OPN3: variants seen among roughly 807,000 people sequenced by gnomAD.
OPN3 encodes opsin-3.
In OPN3, 29 loss-of-function variants were observed where a neutral mutation model predicts 33.8. The ratio of observed to expected loss-of-function variants is 0.86; its 90% confidence interval spans 0.64 to 1.17. The LOEUF (loss-of-function observed/expected upper bound fraction) is 1.17, where lower values mean the gene tolerates loss of function less well. Ranked by LOEUF, OPN3 falls within the 50% of genes most tolerant of loss-of-function variation. The pLI is 0.00. For synonymous variants in OPN3, 216 were observed against 216.1 expected (o/e 1.00, Z 0.00); for missense variants, 437 against 514.1 (o/e 0.85, Z 1.45).
At chr1:241,613,644 T>C (rs772585553) in intron 1 of OPN3, among the ~76,000 whole-genome samples, 1 of 152,140 alleles carries the variant, frequency 6.6e-6, no homozygotes, top group Non-Finnish European at 1.5e-5. Flanking sequence ...TTGAATAATA[T>C]CTCTCAGCTG....
At chr1:241,635,998 G>T in intron 1 of OPN3, 1 of 487,022 alleles carries the variant, frequency 2.1e-6, no homozygotes, top group Non-Finnish European at 3.6e-6. Context: ...ATGGATGTGT[G>T]GTTTCATTTC....
chr1:241,635,691 C>A, intron 1 of OPN3: 1 of 1,613,996 alleles, frequency 6.2e-7, no homozygotes, highest in South Asian at 1.1e-5. Flanking sequence ...CTTGAACATG[C>A]AGCTGCAAGG....
intron 1 of OPN3, chr1:241,628,910 CAGA>C (rs1443655993): frequency 6.6e-6 from 1 of 152,512 alleles, no homozygotes; most frequent in South Asian, 2.1e-4. Context: ...CAATATTTAA[CAGA>C]AGAAAAATAA....
intron 3 of OPN3, among the ~76,000 whole-genome samples, chr1:241,596,142 G>A (rs986844413): frequency 2.0e-5 from 3 of 152,178 alleles, no homozygotes; most frequent in African/African-American, 7.2e-5. Flanking sequence ...AGTTCTAGAA[G>A]CACTAATTTA....
Position 241,594,341 on chromosome 1 carries a change from G to T in OPN3, c.*87C>A. On this transcript the variant is annotated 3_prime_UTR_variant, in exon 4 of 4. Transcript: ENST00000366554. ...CACAAGGTTCTGTTGATATTACATA[G>T]AACGGGTATTCCAGACACTTCTTAT... is the stretch of plus-strand genomic sequence containing the variant. 1 of 1,400,960 alleles carries T rather than the reference G, an allele frequency of 7.1e-7. No homozygotes were observed. The highest frequency in any genetic ancestry group is 9.8e-7 in the Non-Finnish European group (1 of 1,017,584). 86.8% of individuals were successfully genotyped at this position (1,400,960 alleles called of 1,614,324 possible).
intron 1 of OPN3, among the ~76,000 whole-genome samples, chr1:241,617,388 A>T (rs556002434): frequency 2.6e-5 from 4 of 152,352 alleles, no homozygotes; most frequent in South Asian, 4.1e-4. Context: ...TGATGAGTCT[A>T]GTTTCTAAGT....
intron 1 of OPN3, 131 bp downstream of exon 1, chr1:241,639,751 G>A: frequency 1.0e-6 from 1 of 964,424 alleles, no homozygotes; most frequent in South Asian, 1.9e-5. Context: ...GCGGGGCGGT[G>A]TAGGGCGGGG....
intron 1 of OPN3, among the ~76,000 whole-genome samples, chr1:241,637,744 T>C (rs984832612): frequency 6.6e-6 from 1 of 152,148 alleles, no homozygotes; most frequent in African/African-American, 2.4e-5. Context: ...AGAGAACTGA[T>C]AGCTGGAGAG....
intron 1 of OPN3, chr1:241,635,090 C>T: frequency 6.2e-7 from 1 of 1,612,806 alleles, no homozygotes; most frequent in Non-Finnish European, 8.5e-7. Flanking sequence ...AAACCTCCTG[C>T]CTTCTTTAAC....
chr1:241,604,823 A>G (rs1302864366), intron 1 of OPN3, among the ~76,000 whole-genome samples: 1 of 152,170 alleles, frequency 6.6e-6, no homozygotes, highest in African/African-American at 2.4e-5. Context: ...TGGGAGGCTG[A>G]GGTGGGAGGA....
chr1:241,598,108 G>C, intron 2 of OPN3, 111 bp from the exon 3 acceptor site: 1 of 1,250,356 alleles, frequency 8.0e-7, no homozygotes. Flanking sequence ...TAAATGGAAA[G>C]AGAACTGAAT....
intron 1 of OPN3, among the ~76,000 whole-genome samples, chr1:241,621,820 T>C (rs1186845113): frequency 6.6e-6 from 1 of 152,042 alleles, no homozygotes; most frequent in Non-Finnish European, 1.5e-5. Context: ...ACTGGAAAGG[T>C]TTTCCCTTCT....
chr1:241,633,756 A>G, intron 1 of OPN3: 4 of 1,605,176 alleles, frequency 2.5e-6, no homozygotes, highest in Non-Finnish European at 3.4e-6. Context: ...TTCTGATGCC[A>G]TGAAGGAGGT....
intron 1 of OPN3, among the ~76,000 whole-genome samples, chr1:241,637,965 G>A (rs1019330827): frequency 2.1e-4 from 32 of 152,198 alleles, no homozygotes; most frequent in Admixed American, 1.9e-3. Context: ...AACTCAGGAA[G>A]TGCCCTCCTT....
At position 241,612,516 on chromosome 1, in the gene OPN3, C is replaced by G. The variant is rs143593438; in HGVS notation, c.374-7937G>C. ...ATAAAATTAATCAAGGAAAAAAGGACAAGGGGAATGTAAAATAAACCAAGC... is the reference window on the plus strand; with the variant it reads ...ATAAAATTAATCAAGGAAAAAAGGAGAAGGGGAATGTAAAATAAACCAAGC... On this transcript the variant is annotated intron_variant, in intron 1 of 3. Coordinates refer to ENST00000366554, the MANE Select transcript of OPN3 (RefSeq NM_014322.3). Among the ~76,000 whole-genome samples, 1,102 of 152,202 alleles carry G rather than the reference C, an allele frequency of 7.2e-3. 10 individuals carry two copies. The highest frequency in any genetic ancestry group is 0.025 in the African/African-American group (1,018 of 41,524).
At chr1:241,619,471 C>T (rs2148012344) in intron 1 of OPN3, among the ~76,000 whole-genome samples, 1 of 152,318 alleles carries the variant, frequency 6.6e-6, no homozygotes, top group Middle Eastern at 3.4e-3. Context: ...TACCTATCTC[C>T]TTGTCTTTTG....
chr1:241,607,084 G>A (rs1233246438), intron 1 of OPN3, among the ~76,000 whole-genome samples: 1 of 152,118 alleles, frequency 6.6e-6, no homozygotes, highest in Non-Finnish European at 1.5e-5. Flanking sequence ...AGGGTGGGGA[G>A]CAATATTATT....
chr1:241,617,598 T>G (rs1664166971), intron 1 of OPN3, among the ~76,000 whole-genome samples: 1 of 152,224 alleles, frequency 6.6e-6, no homozygotes, highest in African/African-American at 2.4e-5. Context: ...TTAAGTCATT[T>G]TCTATTACCC....
intron 1 of OPN3, chr1:241,636,200 C>T (rs1173334182): frequency 1.0e-5 from 4 of 395,986 alleles, no homozygotes; most frequent in South Asian, 1.4e-4. Context: ...TAAAGCATGT[C>T]TTAAATGCTT....
Sources: gnomAD v4.1 joint callset for allele counts (sites outside exome capture counted in the v4.1 genomes callset) on GRCh38, gnomAD v4.1.1 for gene constraint, MANE v1.5 for transcripts, NCBI Gene and HGNC (gene_info 2026-07-23, HGNC 2026-07-21) for gene names.